RNF144A: variants seen among roughly 807,000 people sequenced by gnomAD.
The protein encoded by RNF144A is E3 ubiquitin-protein ligase RNF144A.
RNF144A carries 11 observed loss-of-function variants against 38.7 expected under a neutral mutation model. The ratio of observed to expected loss-of-function variants is 0.28; its 90% CI spans 0.18 to 0.47. The LOEUF (loss-of-function observed/expected upper bound fraction) is 0.47, where lower values mean the gene tolerates loss of function less well. Among genes scored for constraint, RNF144A ranks in the 20% least tolerant of loss-of-function variants. The pLI, the probability that RNF144A is intolerant of heterozygous loss-of-function variation, is 0.99. For missense variants in RNF144A, 316 were observed against 377.2 expected (o/e 0.84, Z 1.34); for synonymous variants, 149 against 143.9 (o/e 1.04, Z -0.25).
chr2:6,952,489 G>T (rs193037083), intron 2 of RNF144A, among the ~76,000 whole-genome samples: 3 of 151,132 alleles, frequency 2.0e-5, no homozygotes, highest in Admixed American at 6.6e-5. Flanking sequence ...AACTGAAAAC[G>T]AGACCTAGTG....
intron 1 of RNF144A, among the ~76,000 whole-genome samples, chr2:6,927,328 C>G (rs1043595038): frequency 6.6e-6 from 1 of 152,224 alleles, no homozygotes; most frequent in African/African-American, 2.4e-5. Flanking sequence ...ATACTTTAAT[C>G]ACTCCTGGGA....
At position 6,935,511 on chromosome 2, in the gene RNF144A, G is replaced by A. The variant is rs114672082; in HGVS notation, c.-211-5437G>A. ...TCAGGCCTCTTTTCCTGTCTTTCCC[G>A]TCTACATCCCTGCCCGGGTGAGCTC... is the stretch of plus-strand genomic sequence containing the variant. On this transcript the variant is annotated intron_variant, in intron 1 of 8. Transcript: ENST00000320892. 5.7e-3 allele frequency among the ~76,000 whole-genome samples: 872 copies of A among 152,294 alleles called. 7 individuals are homozygous for A. Among genetic ancestry groups the A allele is most frequent in the Non-Finnish European group, 9.9e-3 (674 of 68,042 alleles).
Position 7,024,519 on chromosome 2 carries a change from G to A in RNF144A, c.657+3G>A, listed in dbSNP as rs936332424. On this transcript the variant is annotated splice_donor_region_variant and intron_variant, in intron 7 of 8. Transcript: ENST00000320892. Reference sequence around the variant, plus strand: ...GGTACTGCCTGGAGTCTCTGGACGTGAGTACGGCCTTCAGCTTCACCTTGC... The same window carrying A: ...GGTACTGCCTGGAGTCTCTGGACGTAAGTACGGCCTTCAGCTTCACCTTGC... 2 of 1,599,872 alleles carry A rather than the reference G, an allele frequency of 1.3e-6. No homozygotes were observed. Among genetic ancestry groups the A allele is most frequent in the Admixed American group, 1.7e-5 (1 of 59,806 alleles).
chr2:6,951,381 C>T (rs1409241822), intron 2 of RNF144A, among the ~76,000 whole-genome samples: 3 of 152,000 alleles, frequency 2.0e-5, no homozygotes, highest in Non-Finnish European at 4.4e-5. Flanking sequence ...TAAGTTTTGG[C>T]ACTTGGCTTC....
chr2:6,976,957 C>T (rs1572317422), intron 2 of RNF144A, among the ~76,000 whole-genome samples: 1 of 152,112 alleles, frequency 6.6e-6, no homozygotes, highest in South Asian at 2.1e-4. Context: ...TTTAATATTA[C>T]AGACAATGCT....
chr2:7,041,495 G>A lies in RNF144A; in HGVS notation c.*1735G>A. 1.0e-6 allele frequency: 1 copy of A among 985,992 alleles called. No individual in the cohort carries two copies. The highest frequency in any genetic ancestry group is 1.2e-6 in the Non-Finnish European group (1 of 829,936). The allele number at this position is 985,992 out of a possible 1,614,324, so 61.1% of individuals were successfully genotyped here. A position where few individuals can be genotyped will look rare whatever the true frequency, so the allele number is the denominator to read the frequency against. On this transcript the variant is annotated 3_prime_UTR_variant, in exon 9 of 9. Transcript: ENST00000320892. ...AAGTTTAGTAACTCAGTAAGAACAT[G>A]CCTGCGACTCCCTTTCTGGATGGAA... is the stretch of plus-strand genomic sequence containing the variant.
intron 5 of RNF144A, among the ~76,000 whole-genome samples, chr2:7,017,070 G>C (rs1671184506): frequency 6.6e-6 from 1 of 152,170 alleles, no homozygotes; most frequent in Non-Finnish European, 1.5e-5. Context: ...ACAGATTCTT[G>C]AGCGAGGGGG....
chr2:6,956,188 A>G (rs1427213641), intron 2 of RNF144A, among the ~76,000 whole-genome samples: 3 of 151,568 alleles, frequency 2.0e-5, no homozygotes, highest in Non-Finnish European at 1.5e-5. Flanking sequence ...ATTGTGTCAG[A>G]CACCCAGGAG....
intron 8 of RNF144A, 119 bp from the exon 9 acceptor site, chr2:7,039,510 G>T (rs1197956379): frequency 1.3e-6 from 2 of 1,511,802 alleles, no homozygotes; most frequent in Non-Finnish European, 1.8e-6. Context: ...ATGGATAGAT[G>T]GATGGTTGGG....
chr2:6,977,055 T>C (rs573610199), intron 2 of RNF144A, among the ~76,000 whole-genome samples: 1 of 152,264 alleles, frequency 6.6e-6, no homozygotes, highest in South Asian at 2.1e-4. Flanking sequence ...TTAAAAAAAT[T>C]TAAGTTCCTT....
chr2:7,018,665 T>G (rs1012368962), intron 5 of RNF144A, among the ~76,000 whole-genome samples: 5 of 152,344 alleles, frequency 3.3e-5, no homozygotes, highest in Admixed American at 1.3e-4. Flanking sequence ...AGGAACATTC[T>G]TAGAAAAGCA....
chr2:7,064,455 A>G (rs1198835615), intron 6 of RNF144A, among the ~76,000 whole-genome samples: 1 of 152,196 alleles, frequency 6.6e-6, no homozygotes, highest in Non-Finnish European at 1.5e-5. Flanking sequence ...AGGGGGCTTC[A>G]GGAAGAGGAG....
intron 2 of RNF144A, among the ~76,000 whole-genome samples, chr2:6,966,644 G>C (rs955971935): frequency 6.6e-6 from 1 of 152,208 alleles, no homozygotes; most frequent in South Asian, 2.1e-4. Context: ...ACCTCCTGTC[G>C]TGCGTTTTGA....
At position 7,029,995 on chromosome 2, in the gene RNF144A, T is replaced by C. The variant is rs376396627; in HGVS notation, c.658-131T>C. The C allele has an allele frequency of 5.8e-6, 4 of 693,568 alleles. No homozygotes were observed. In the African/African-American group the frequency reaches 7.0e-5, roughly 12 times the overall value. 43.0% of individuals were successfully genotyped at this position (693,568 alleles called of 1,614,324 possible). A position where few individuals can be genotyped will look rare whatever the true frequency, so the allele number is the denominator to read the frequency against. The stretch of plus-strand genomic sequence containing the variant: ...GCCAGGTGTTCCCGGATGCGTGCCC[T>C]TCCCTGTGTCACCTCCCTCATGTCT... On this transcript the variant is annotated intron_variant, in intron 7 of 8. Transcript: ENST00000320892.
chr2:7,054,097 C>T (rs1361844853), intron 6 of RNF144A, among the ~76,000 whole-genome samples: 1 of 152,140 alleles, frequency 6.6e-6, no homozygotes, highest in African/African-American at 2.4e-5. Flanking sequence ...TGCTGCTAAC[C>T]CTGAAGGCAG....
intron 2 of RNF144A, among the ~76,000 whole-genome samples, chr2:6,971,733 G>A (rs1002851059): frequency 6.6e-6 from 1 of 151,934 alleles, no homozygotes; most frequent in South Asian, 2.1e-4. Flanking sequence ...TTGGACAAAG[G>A]GACTCCCTGG....
Position 7,030,138 on chromosome 2 carries a change from C to G in RNF144A, c.670C>G (p.Leu224Val). The G allele has an allele frequency of 6.2e-7, 1 of 1,613,706 alleles. No homozygotes were observed. Among genetic ancestry groups the G allele is most frequent in the Non-Finnish European group, 8.5e-7 (1 of 1,179,598 alleles). ...CLESLDDDFL[L>V]IHYDKGPCRN... ...CTGCCCCTCACAGGATGATTTCCTT[C>G]TGATACACTACGATAAGGGACCCTG... Residue 224 changes from leucine to valine, a missense_variant, in exon 8 of 9, where the codon CTG (leucine) becomes GTG (valine). Leu to Val is a conservative substitution (Grantham distance 32). Transcript: ENST00000320892.
chr2:7,017,333 T>TTA (rs1553343190), intron 5 of RNF144A, among the ~76,000 whole-genome samples: 1 of 150,614 alleles, frequency 6.6e-6, no homozygotes, highest in Non-Finnish European at 1.5e-5. Context: ...TTTTTTTTTT[T>TTA]AAAGTAAAGC....
chr2:6,934,546 C>G (rs889525770), intron 1 of RNF144A, among the ~76,000 whole-genome samples: 1 of 152,192 alleles, frequency 6.6e-6, no homozygotes, highest in African/African-American at 2.4e-5. Context: ...AGGCCTTTCT[C>G]CCTGCTGGGT....
Sources: gnomAD v4.1 joint callset for allele counts (sites outside exome capture counted in the v4.1 genomes callset) on GRCh38, gnomAD v4.1.1 for gene constraint, MANE v1.5 for transcripts, NCBI Gene and HGNC (gene_info 2026-07-23, HGNC 2026-07-21) for gene names.